FGF12: variants seen among roughly 807,000 people sequenced by gnomAD.
FGF12 encodes the protein fibroblast growth factor 12.
A neutral mutation model predicts 23.6 loss-of-function variants in FGF12; 14 were observed. That is an observed-to-expected ratio of 0.59 (90% CI 0.39 to 0.93). The LOEUF is 0.93. Among genes scored for constraint, FGF12 ranks in the 40% least tolerant of loss-of-function variants. The pLI is 0.00. For synonymous variants in FGF12, 62 were observed against 77.3 expected, an observed-to-expected ratio of 0.80 and a Z score of 1.04; for missense variants, 175 against 217.8, an observed-to-expected ratio of 0.80 and a Z score of 1.24.
chr3:192,628,442 TACACACACACACACACACACACAC>T (rs60991895), intron 2 of FGF12, among the ~76,000 whole-genome samples: 4 of 135,012 alleles, frequency 3.0e-5, no homozygotes, highest in South Asian at 5.0e-4. Context: ...ACCAAAGGAA[TACACACACACACACACACACACAC>T]ACACACACAC....
At chr3:192,639,045 C>T (rs1324709575) in intron 2 of FGF12, among the ~76,000 whole-genome samples, 1 of 152,102 alleles carries the variant, frequency 6.6e-6, no homozygotes, top group African/African-American at 2.4e-5. Context: ...ATTTGCAAAC[C>T]ATACATCTGA....
At chr3:192,576,786 G>T (rs1362853730) in intron 2 of FGF12, among the ~76,000 whole-genome samples, 1 of 152,170 alleles carries the variant, frequency 6.6e-6, no homozygotes, top group Non-Finnish European at 1.5e-5. Context: ...ATTCACAATA[G>T]CAAAGACTTG....
At chr3:192,711,269 C>T (rs1718660499) in intron 2 of FGF12, among the ~76,000 whole-genome samples, 1 of 128,060 alleles carries the variant, frequency 7.8e-6, no homozygotes, top group Non-Finnish European at 1.5e-5. Context: ...GGCCAGCCGC[C>T]CCGTCCGGGA....
intron 2 of FGF12, among the ~76,000 whole-genome samples, chr3:192,567,746 T>G: frequency 9.0e-6 from 1 of 111,476 alleles, no homozygotes; most frequent in Non-Finnish European, 1.9e-5. Flanking sequence ...TCTTTCTTTC[T>G]TTCTTTCTTT....
At position 192,317,867 on chromosome 3, in the gene FGF12, G is replaced by C. The variant is rs114615627; in HGVS notation, c.228+17494C>G. Among the ~76,000 whole-genome samples the C allele has an allele frequency of 8.5e-3, 1,301 of 152,272 alleles. 9 individuals are homozygous for C. Among genetic ancestry groups the C allele is most frequent in the Middle Eastern group, 0.041 (12 of 294 alleles). ...CTTGTGTCATCTACCTCCAGCTCCA[G>C]GCAGCTTAGCACAGAGAGAGAGAGA... On this transcript the variant is annotated intron_variant, in intron 4 of 5. Transcript: ENST00000445105.
intron 5 of FGF12, among the ~76,000 whole-genome samples, chr3:192,169,340 CAAAT>C (rs748124216): frequency 7.9e-5 from 12 of 151,908 alleles, no homozygotes; most frequent in East Asian, 1.9e-4. Context: ...GACTCCATCT[CAAAT>C]AAATAAATAA....
chr3:192,219,475 C>A (rs898812676), intron 4 of FGF12, among the ~76,000 whole-genome samples: 3 of 152,058 alleles, frequency 2.0e-5, no homozygotes, highest in African/African-American at 7.2e-5. Context: ...CACGAAAAAC[C>A]CCCAGAAATA....
intron 2 of FGF12, among the ~76,000 whole-genome samples, chr3:192,431,523 T>G (rs1342073015): frequency 6.6e-6 from 1 of 152,190 alleles, no homozygotes; most frequent in Non-Finnish European, 1.5e-5. Flanking sequence ...TTTATACTGT[T>G]ATTCTACTTC....
intron 2 of FGF12, among the ~76,000 whole-genome samples, chr3:192,723,206 G>GT (rs1419050182): frequency 2.0e-5 from 3 of 152,050 alleles, no homozygotes; most frequent in African/African-American, 7.2e-5. Flanking sequence ...AGTGATTGGA[G>GT]GATGAGCAGC....
intron 4 of FGF12, among the ~76,000 whole-genome samples, chr3:192,273,093 T>G (rs963758169): frequency 3.3e-5 from 5 of 152,220 alleles, no homozygotes; most frequent in African/African-American, 1.2e-4. Context: ...GTTTTATCAC[T>G]TTTGGGTAAA....
intron 2 of FGF12, among the ~76,000 whole-genome samples, chr3:192,439,983 A>G: frequency 1.3e-5 from 2 of 151,790 alleles, no homozygotes; most frequent in Non-Finnish European, 2.9e-5. Flanking sequence ...ATGGAAAAAA[A>G]AAAAAAAAAG....
chr3:192,655,369 T>C (rs1281459199), intron 2 of FGF12, among the ~76,000 whole-genome samples: 1 of 152,154 alleles, frequency 6.6e-6, no homozygotes, highest in African/African-American at 2.4e-5. Flanking sequence ...TACATCTCTA[T>C]TTCTAAAACT....
Position 192,510,177 on chromosome 3 carries a change from C to T in FGF12, c.14-149639G>A, listed in dbSNP as rs1577027337. ...ATTTCATTTGTCTGAGCAAGTCATA[C>T]GGCCACACCTAACTTCCAGTGAATG... On this transcript the variant is annotated intron_variant, in intron 2 of 5. Transcript: ENST00000445105. Among the ~76,000 whole-genome samples, 5 of 152,116 alleles carry T rather than the reference C, an allele frequency of 3.3e-5. No homozygotes were observed. In the South Asian group the frequency reaches 1.0e-3, roughly 31 times the overall value.
intron 4 of FGF12, among the ~76,000 whole-genome samples, chr3:192,319,610 TA>T (rs1376605306): frequency 5.3e-5 from 8 of 151,520 alleles, no homozygotes; most frequent in Non-Finnish European, 1.0e-4. Flanking sequence ...AATAAATAAA[TA>T]AATAAATAAA....
chr3:192,201,833 T>A (rs1477688000), intron 4 of FGF12, among the ~76,000 whole-genome samples: 1 of 152,228 alleles, frequency 6.6e-6, no homozygotes, highest in Non-Finnish European at 1.5e-5. Flanking sequence ...ATTAATGACT[T>A]TGCTAATAAC....
At chr3:192,541,019 T>C (rs373441435) in intron 2 of FGF12, among the ~76,000 whole-genome samples, 11 of 152,334 alleles carry the variant, frequency 7.2e-5, no homozygotes, top group East Asian at 3.9e-4. Flanking sequence ...TTTCAGTTTA[T>C]GTGTGTCTTT....
chr3:192,506,574 G>A (rs185411316), intron 2 of FGF12, among the ~76,000 whole-genome samples: 30 of 152,216 alleles, frequency 2.0e-4, no homozygotes, highest in Admixed American at 1.8e-3. Context: ...GTTTCACCAC[G>A]TTGGCCAGGC....
Position 192,287,666 on chromosome 3 carries a change from G to A in FGF12, c.228+47695C>T, listed in dbSNP as rs1396700177. On this transcript the variant is annotated intron_variant, in intron 4 of 5. Coordinates refer to ENST00000445105, the MANE Select transcript of FGF12 (RefSeq NM_004113.6). The stretch of plus-strand genomic sequence containing the variant: ...CTTCAGTGACTCTGAGAATGTAAAT[G>A]AAAAGGGTATTCATCTAGATTCCAA... Among the ~76,000 whole-genome samples the A allele has an allele frequency of 3.3e-5, 5 of 151,990 alleles. No homozygotes were observed. In the South Asian group the frequency reaches 6.2e-4, roughly 19 times the overall value.
intron 2 of FGF12, among the ~76,000 whole-genome samples, chr3:192,700,756 C>T (rs1466954426): frequency 6.6e-6 from 1 of 152,114 alleles, no homozygotes; most frequent in African/African-American, 2.4e-5. Context: ...TCGGACATGC[C>T]TCATTATACA....
Sources: allele counts gnomAD v4.1 joint callset (sites outside exome capture counted in the v4.1 genomes callset), GRCh38; gene constraint gnomAD v4.1.1; transcripts MANE v1.5; gene names NCBI Gene and HGNC (gene_info 2026-07-23, HGNC 2026-07-21).